Variants in B4GALT4 observed in about 807,000 individuals in gnomAD.
B4GALT4 encodes N-acetyllactosamine synthase.
Under a neutral mutation model 37.3 loss-of-function variants are expected in B4GALT4, and 27 were observed. The observed-to-expected ratio is 0.72, with a 90% CI of 0.53 to 1.00. The LOEUF is 1.00. B4GALT4 is among the 50% of genes least tolerant of loss of function. The pLI, the probability that B4GALT4 is intolerant of heterozygous loss-of-function variation, is 0.00. For synonymous variants in B4GALT4, 148 were observed against 154.1 expected (o/e 0.96, Z 0.29); for missense variants, 372 against 413.1 (o/e 0.90, Z 0.86).
chr3:119,213,708 G>GCC (rs2078218188), intron 7 of B4GALT4: 1 of 152,172 alleles, frequency 6.6e-6, no homozygotes, highest in Admixed American at 6.5e-5. Context: ...CAAAGTGGGG[G>GCC]TAGGAGATAT....
At chr3:119,220,292 T>G (rs1330120118) in intron 5 of B4GALT4, among the ~76,000 whole-genome samples, 2 of 152,262 alleles carry the variant, frequency 1.3e-5, no homozygotes, top group African/African-American at 2.4e-5. Flanking sequence ...GATTCTTAGC[T>G]GCCTGAACAC....
intron 4 of B4GALT4, among the ~76,000 whole-genome samples, chr3:119,226,007 T>TA (rs796649631): frequency 9.2e-5 from 14 of 152,352 alleles, no homozygotes; most frequent in African/African-American, 3.1e-4. Context: ...TTACCTGTTC[T>TA]AACAGTAGTG....
chr3:119,219,892 T>A (rs1327969118), intron 5 of B4GALT4, among the ~76,000 whole-genome samples: 1 of 152,226 alleles, frequency 6.6e-6, no homozygotes, highest in Non-Finnish European at 1.5e-5. Context: ...TGTGAATATC[T>A]AGAGAATTTT....
chr3:119,211,860 T>C lies in B4GALT4; in HGVS notation c.*689A>G, dbSNP rs1460352625. 2.9e-6 allele frequency: 1 copy of C among 347,838 alleles called. No homozygotes were observed. The highest frequency in any genetic ancestry group is 5.2e-6 in the Non-Finnish European group (1 of 193,148). The allele number at this position is 347,838 out of a possible 1,614,324, so 21.5% of individuals were successfully genotyped here. A position where few individuals can be genotyped will look rare whatever the true frequency, so the allele number is the denominator to read the frequency against. On this transcript the variant is annotated 3_prime_UTR_variant, in exon 8 of 8. Coordinates refer to ENST00000393765, the MANE Select transcript of B4GALT4 (RefSeq NM_003778.4). The stretch of plus-strand genomic sequence containing the variant: ...TACAAAATCATTTTACAAAAACTCT[T>C]TAAAAACTAATAGAGAATGTATTCT...
At chr3:119,239,661 C>T (rs760584195) in intron 1 of B4GALT4, among the ~76,000 whole-genome samples, 1 of 152,196 alleles carries the variant, frequency 6.6e-6, no homozygotes, top group Non-Finnish European at 1.5e-5. Flanking sequence ...TGTAGTCAAA[C>T]AGTTCAATCC....
At chr3:119,216,121 G>T in intron 7 of B4GALT4, 119 bp downstream of exon 7, 1 of 728,672 alleles carries the variant, frequency 1.4e-6, no homozygotes, top group Non-Finnish European at 2.0e-6. Context: ...TTGAAAATTT[G>T]CTTAATAAAA....
In B4GALT4 at chr3:119,224,711, T is replaced by A. The variant is rs114388773; in HGVS notation, c.487-466A>T. On this transcript the variant is annotated intron_variant, in intron 4 of 7. Transcript: ENST00000393765. Reference sequence around the variant, plus strand: ...TTAAGATGGTAAATTTTACATCGTGTGTTTCACAATTAAAAATTTTTTAAA... The same window carrying A: ...TTAAGATGGTAAATTTTACATCGTGAGTTTCACAATTAAAAATTTTTTAAA... Among the ~76,000 whole-genome samples, 941 of 152,348 alleles carry A rather than the reference T, an allele frequency of 6.2e-3. 4 individuals are homozygous for A. Among genetic ancestry groups the A allele is most frequent in the Non-Finnish European group, 0.011 (732 of 68,024 alleles).
intron 5 of B4GALT4, among the ~76,000 whole-genome samples, chr3:119,220,761 C>A (rs4687840): frequency 0.096 from 14,588 of 152,134 alleles, 1,388 homozygotes; most frequent in African/African-American, 0.24. Context: ...CCAAGGCGGA[C>A]GGATCAAGAG....
intron 2 of B4GALT4, among the ~76,000 whole-genome samples, chr3:119,234,720 C>A (rs545560037): frequency 6.6e-6 from 1 of 152,182 alleles, no homozygotes; most frequent in Non-Finnish European, 1.5e-5. Flanking sequence ...TTAATTCTCA[C>A]AGGAGTCTCA....
At position 119,226,935 on chromosome 3, in the gene B4GALT4, A is replaced by C; in HGVS notation, c.360T>G (p.Ala120=). The C allele has an allele frequency of 6.2e-7, 1 of 1,614,138 alleles. No homozygotes were observed. The highest frequency in any genetic ancestry group is 1.1e-5 in the South Asian group (1 of 91,082). Residue 120 remains alanine, a synonymous_variant, in exon 4 of 8, where the codon GCT becomes GCG. Transcript: ENST00000393765. ...RGRYRPQECK[A]LQRVAILVPH... is the part of the protein sequence containing the mutation. ...GAACGAGGATGGCGACCCTCTGTAA[A>C]GCTTTACATTCCTGAGGGCGATACC...
chr3:119,231,893 T>C (rs2078836523), intron 2 of B4GALT4, among the ~76,000 whole-genome samples: 1 of 149,254 alleles, frequency 6.7e-6, no homozygotes, highest in Non-Finnish European at 1.5e-5. Context: ...ATATCACATA[T>C]TGTCATATTT....
intron 3 of B4GALT4, among the ~76,000 whole-genome samples, chr3:119,227,902 G>C (rs2107512773): frequency 6.6e-6 from 1 of 152,248 alleles, no homozygotes; most frequent in South Asian, 2.1e-4. Flanking sequence ...GCTTAGACCA[G>C]GCTCACGTGT....
chr3:119,220,640 C>A (rs183223440), intron 5 of B4GALT4, among the ~76,000 whole-genome samples: 1 of 152,102 alleles, frequency 6.6e-6, no homozygotes, highest in South Asian at 2.1e-4. Flanking sequence ...GGCTGCCCGA[C>A]GACCACCTGG....
chr3:119,228,866 T>C (rs1207376762), intron 3 of B4GALT4, among the ~76,000 whole-genome samples: 2 of 152,036 alleles, frequency 1.3e-5, no homozygotes, highest in African/African-American at 2.4e-5. Context: ...ATCTCTGTCT[T>C]TCTCTCTCCC....
At chr3:119,232,150 G>A (rs2078844162) in intron 2 of B4GALT4, among the ~76,000 whole-genome samples, 1 of 152,130 alleles carries the variant, frequency 6.6e-6, no homozygotes, top group South Asian at 2.1e-4. Context: ...AGGGAGGTTA[G>A]TTCTTGGGGA....
intron 5 of B4GALT4, among the ~76,000 whole-genome samples, chr3:119,222,181 G>GT (rs1191862789): frequency 3.3e-5 from 5 of 152,184 alleles, no homozygotes; most frequent in African/African-American, 1.2e-4. Flanking sequence ...ATCATCTATG[G>GT]TAAGTGTCTA....
At chr3:119,220,982 T>C (rs1412183953) in intron 5 of B4GALT4, among the ~76,000 whole-genome samples, 1 of 144,240 alleles carries the variant, frequency 6.9e-6, no homozygotes, top group African/African-American at 2.5e-5. Context: ...TGAGACTCTG[T>C]CTCAAAAAAA....
chr3:119,235,826 A>C (rs534080453), intron 2 of B4GALT4, among the ~76,000 whole-genome samples: 1 of 152,360 alleles, frequency 6.6e-6, no homozygotes, highest in East Asian at 1.9e-4. Context: ...TAAAAAAAAA[A>C]TGATGGCACT....
At chr3:119,217,895 G>A (rs868410745) in intron 6 of B4GALT4, among the ~76,000 whole-genome samples, 3 of 151,416 alleles carry the variant, frequency 2.0e-5, no homozygotes, top group South Asian at 2.1e-4. Flanking sequence ...CAACAAGCAG[G>A]AGGGAAGGGG....
Sources: allele counts gnomAD v4.1 joint callset (sites outside exome capture counted in the v4.1 genomes callset), GRCh38; gene constraint gnomAD v4.1.1; transcripts MANE v1.5; gene names NCBI Gene and HGNC (gene_info 2026-07-23, HGNC 2026-07-21).